The following UMAD1 variants were observed in gnomAD, a reference collection of about 807,000 sequenced individuals.
UMAD1 encodes UBAP1-MVB12-associated (UMA) domain containing 1.
UMAD1 carries 8 observed loss-of-function variants against 6.1 expected under a neutral mutation model. The ratio of observed to expected loss-of-function variants is 1.30; its 90% CI spans 0.76 to 2.35. The LOEUF is 2.35. Ranked by LOEUF, UMAD1 falls within the 30% of genes most tolerant of loss-of-function variation. UMAD1 has a pLI of 0.00. For synonymous variants in UMAD1, 56 were observed against 31.4 expected (o/e 1.78, Z -2.61); for missense variants, 130 against 78.4 (o/e 1.66, Z -2.49).
At chr7:7,653,084 G>T (rs1223237893) in intron 1 of UMAD1, among the ~76,000 whole-genome samples, 1 of 152,198 alleles carries the variant, frequency 6.6e-6, no homozygotes, top group Non-Finnish European at 1.5e-5. Flanking sequence ...TGTGTTTTAT[G>T]ATATTTGTTT....
intron 2 of UMAD1, among the ~76,000 whole-genome samples, chr7:7,769,250 T>C (rs905847463): frequency 6.6e-6 from 1 of 152,230 alleles, no homozygotes; most frequent in Non-Finnish European, 1.5e-5. Flanking sequence ...ATAAATCTGC[T>C]TCTGTCAATT....
intron 2 of UMAD1, among the ~76,000 whole-genome samples, chr7:7,750,520 G>T (rs1781657852): frequency 6.6e-6 from 1 of 152,044 alleles, no homozygotes; most frequent in South Asian, 2.1e-4. Context: ...CTTGATTATA[G>T]CTTCTTTAAT....
intron 3 of UMAD1, among the ~76,000 whole-genome samples, chr7:7,873,158 G>A (rs772580120): frequency 3.3e-5 from 5 of 152,106 alleles, no homozygotes; most frequent in Non-Finnish European, 7.4e-5. Context: ...TAAGGAAACT[G>A]AGGCACGGAG....
intron 3 of UMAD1, among the ~76,000 whole-genome samples, chr7:7,818,813 T>C (rs1013399555): frequency 1.3e-5 from 2 of 152,168 alleles, no homozygotes; most frequent in Admixed American, 1.3e-4. Flanking sequence ...ATTTTTGTAT[T>C]TTTTGTAGAG....
intron 3 of UMAD1, among the ~76,000 whole-genome samples, chr7:7,868,149 G>A (rs949076804): frequency 6.6e-6 from 1 of 152,060 alleles, no homozygotes; most frequent in Non-Finnish European, 1.5e-5. Flanking sequence ...GACAGCTTAC[G>A]GTTGGAGTTT....
chr7:7,758,872 AC>A, intron 2 of UMAD1, among the ~76,000 whole-genome samples: 1 of 152,284 alleles, frequency 6.6e-6, no homozygotes, highest in Non-Finnish European at 1.5e-5. Flanking sequence ...CCTGTTAGAG[AC>A]AATACTGCCA....
chr7:7,810,363 T>C (rs1782998962), intron 3 of UMAD1, among the ~76,000 whole-genome samples: 1 of 152,070 alleles, frequency 6.6e-6, no homozygotes, highest in Non-Finnish European at 1.5e-5. Context: ...AGGATTCTGT[T>C]CTAAGAAAAT....
chr7:7,807,834 C>T (rs1016759552), intron 3 of UMAD1, among the ~76,000 whole-genome samples: 1 of 152,054 alleles, frequency 6.6e-6, no homozygotes, highest in Admixed American at 6.6e-5. Flanking sequence ...GTCTCTTCTT[C>T]ACCTCCCTGT....
At chr7:7,861,118 T>C (rs1784108796) in intron 3 of UMAD1, among the ~76,000 whole-genome samples, 5 of 151,802 alleles carry the variant, frequency 3.3e-5, no homozygotes, top group Admixed American at 3.3e-4. Context: ...GGATGGGGAG[T>C]TGTTTAATGG....
intron 3 of UMAD1, among the ~76,000 whole-genome samples, chr7:7,874,171 C>T (rs1012148090): frequency 1.2e-4 from 19 of 152,174 alleles, no homozygotes; most frequent in Admixed American, 3.9e-4. Flanking sequence ...ATATCCCCAC[C>T]GTCCATTCCA....
At chr7:7,677,293 A>G (rs1416820599) in intron 2 of UMAD1, among the ~76,000 whole-genome samples, 1 of 152,148 alleles carries the variant, frequency 6.6e-6, no homozygotes. Context: ...TATACAATAA[A>G]TTATTGTTAA....
chr7:7,685,921 A>T (rs1459916530), intron 2 of UMAD1: 1 of 152,196 alleles, frequency 6.6e-6, no homozygotes, highest in Non-Finnish European at 1.5e-5. Context: ...GTAAGTGAAC[A>T]TTCTTGAGCA....
intron 3 of UMAD1, among the ~76,000 whole-genome samples, chr7:7,805,814 G>A (rs1782901139): frequency 6.6e-6 from 1 of 152,080 alleles, no homozygotes; most frequent in Admixed American, 6.6e-5. Flanking sequence ...CACTTTTCAT[G>A]ACTACCTCAG....
chr7:7,817,660 T>C (rs1009307934), intron 3 of UMAD1, among the ~76,000 whole-genome samples: 1 of 152,230 alleles, frequency 6.6e-6, no homozygotes, highest in Admixed American at 6.5e-5. Flanking sequence ...ACCTGCCACA[T>C]TGATTTTTTA....
At chr7:7,743,754 AT>A (rs1221764150) in intron 2 of UMAD1, among the ~76,000 whole-genome samples, 2 of 151,676 alleles carry the variant, frequency 1.3e-5, no homozygotes, top group African/African-American at 4.8e-5. Context: ...TTTTAAAAAA[AT>A]ATTGTTTTAA....
chr7:7,863,252 G>A (rs1266978243), intron 3 of UMAD1, among the ~76,000 whole-genome samples: 6 of 152,190 alleles, frequency 3.9e-5, no homozygotes, highest in Admixed American at 6.5e-5. Context: ...TAACCTCTGA[G>A]CCTCAGAAGA....
rs566346757 is a variant in UMAD1 at position 7,690,983 on chromosome 7, C to T, written c.82+17530C>T. The stretch of plus-strand genomic sequence containing the variant: ...TAAAGGAGTGCAGTTTCTTTCTGCT[C>T]CTTCTAGGTCTCCAAAGTTACAGGA... On this transcript the variant is annotated intron_variant, in intron 2 of 3. Transcript: ENST00000682710. Among the ~76,000 whole-genome samples the T allele has an allele frequency of 4.6e-5, 7 of 152,182 alleles. No individual in the cohort carries two copies. In the South Asian group the frequency reaches 6.2e-4, roughly 14 times the overall value.
intron 3 of UMAD1, among the ~76,000 whole-genome samples, chr7:7,827,117 T>C (rs7801188): frequency 0.12 from 14,640 of 120,806 alleles, 830 homozygotes; most frequent in East Asian, 0.21. Flanking sequence ...AGTCTCACAG[T>C]CCAGGATATA....
chr7:7,727,815 C>T (rs944332585), intron 2 of UMAD1, among the ~76,000 whole-genome samples: 4 of 152,144 alleles, frequency 2.6e-5, no homozygotes, highest in African/African-American at 9.7e-5. Context: ...GGCTTCCTTG[C>T]TCCTCAGTTT....
Sources: gnomAD v4.1 joint callset for allele counts (sites outside exome capture counted in the v4.1 genomes callset) on GRCh38, gnomAD v4.1.1 for gene constraint, MANE v1.5 for transcripts, NCBI Gene and HGNC (gene_info 2026-07-23, HGNC 2026-07-21) for gene names.